The following DHRSX variants were observed in gnomAD, a reference collection of about 807,000 sequenced individuals.
DHRSX encodes the protein dehydrogenase/reductase X-linked.
DHRSX carries 31 observed loss-of-function variants against 34.0 expected under a neutral mutation model. That is an observed-to-expected ratio of 0.91 (90% CI 0.69 to 1.23). The LOEUF (loss-of-function observed/expected upper bound fraction) is 1.23. Ranked by LOEUF, DHRSX falls within the 50% of genes most tolerant of loss-of-function variation. The probability of loss-of-function intolerance (pLI) is 0.00; values close to 1 mark genes in which losing one functional copy is unlikely to be tolerated. For missense variants in DHRSX, 414 were observed against 428.1 expected (o/e 0.97, Z 0.29); for synonymous variants, 201 against 183.8 (o/e 1.09, Z -0.76).
At chrX:2,485,404 G>C (rs751847812) in intron 1 of DHRSX, among the ~76,000 whole-genome samples, 117 of 151,308 alleles carry the variant, frequency 7.7e-4, no homozygotes, top group African/African-American at 2.8e-3. Flanking sequence ...ACTTGGAAAG[G>C]GCAAGTCTGG....
Position 2,489,858 on chromosome X carries a change from T to A in DHRSX, c.109+10959A>T, listed in dbSNP as rs763431946. 3 of 1,613,752 alleles carry A rather than the reference T, an allele frequency of 1.9e-6. No homozygotes were observed. In the East Asian group the frequency reaches 6.7e-5, roughly 36 times the overall value. ...TTGAAGGTGTGGCCCAGGCAGGGCA[T>A]GTGCACTGCGACGTCCAGCAGGGAG... On this transcript the variant is annotated intron_variant, in intron 1 of 6. Transcript: ENST00000334651.
At chrX:2,243,793 T>TTTTTTTGTTTG (rs2016205921) in intron 5 of DHRSX, among the ~76,000 whole-genome samples, 1 of 33,568 alleles carries the variant, frequency 3.0e-5, no homozygotes, top group African/African-American at 2.1e-4. Flanking sequence ...TCCCTGTTTT[T>TTTTTTTGTTTG]TTTTTTTTTT....
intron 1 of DHRSX, chrX:2,490,661 C>T (rs2045112743): frequency 1.2e-6 from 2 of 1,613,752 alleles, no homozygotes; most frequent in Admixed American, 1.7e-5. Flanking sequence ...GCTCTTGGCG[C>T]GGGGGTGGGC....
intron 3 of DHRSX, among the ~76,000 whole-genome samples, chrX:2,390,682 C>T (rs1183736098): frequency 6.6e-6 from 1 of 152,160 alleles, no homozygotes; most frequent in Non-Finnish European, 1.5e-5. Context: ...TACTTTCTGT[C>T]TCTAAAAATT....
chrX:2,307,484 G>A (rs189451111), intron 3 of DHRSX, among the ~76,000 whole-genome samples: 19 of 151,866 alleles, frequency 1.3e-4, no homozygotes, highest in Non-Finnish European at 2.2e-4. Context: ...AAACAAGGCC[G>A]GGGGGTGGGT....
intron 3 of DHRSX, among the ~76,000 whole-genome samples, chrX:2,295,281 T>C (rs1219414372): frequency 6.6e-6 from 1 of 152,118 alleles, no homozygotes; most frequent in Admixed American, 6.5e-5. Flanking sequence ...TGCAGGGACA[T>C]GGATGAAGCT....
chrX:2,227,435 C>T (rs1409127610), intron 6 of DHRSX, among the ~76,000 whole-genome samples: 5 of 140,122 alleles, frequency 3.6e-5, no homozygotes, highest in African/African-American at 1.3e-4. Flanking sequence ...GAAGGAGTGA[C>T]ACAGAGAGAG....
At chrX:2,288,446 G>A (rs1209849509) in intron 4 of DHRSX, among the ~76,000 whole-genome samples, 5 of 152,162 alleles carry the variant, frequency 3.3e-5, no homozygotes, top group African/African-American at 1.2e-4. Context: ...TGTTGTCCAC[G>A]TTGGTCTCGA....
At chrX:2,394,869 A>G (rs1001627786) in intron 3 of DHRSX, among the ~76,000 whole-genome samples, 1 of 142,412 alleles carries the variant, frequency 7.0e-6, no homozygotes, top group African/African-American at 2.6e-5. Flanking sequence ...CCGTCTCATG[A>G]AAAAAAAAAA....
chrX:2,429,154 C>T (rs2124654544), intron 1 of DHRSX, among the ~76,000 whole-genome samples: 1 of 152,200 alleles, frequency 6.6e-6, no homozygotes, highest in East Asian at 1.9e-4. Context: ...TTCCCGTGTT[C>T]CTGACCCAAG....
intron 1 of DHRSX, among the ~76,000 whole-genome samples, chrX:2,437,526 C>T (rs1173799721): frequency 1.3e-5 from 2 of 151,772 alleles, no homozygotes; most frequent in Admixed American, 6.6e-5. Context: ...ATTGCTTGAG[C>T]CTGGGAGAGC....
chrX:2,490,866 G>T, intron 1 of DHRSX: 1 of 1,167,164 alleles, frequency 8.6e-7, no homozygotes, highest in Non-Finnish European at 1.2e-6. Flanking sequence ...GGGCAGCTCC[G>T]CTTTCAACCA....
At chrX:2,475,282 C>T (rs1364646304) in intron 1 of DHRSX, among the ~76,000 whole-genome samples, 4 of 151,316 alleles carry the variant, frequency 2.6e-5, no homozygotes, top group Non-Finnish European at 5.9e-5. Flanking sequence ...TGAAGACGTT[C>T]CCTAAGCATG....
At position 2,224,014 on chromosome X, in the gene DHRSX, T is replaced by C. The variant is rs141201377; in HGVS notation, c.805-2785A>G. 1.3e-3 allele frequency among the ~76,000 whole-genome samples: 191 copies of C among 152,368 alleles called. No individual in the cohort carries two copies. The East Asian group carries it at 0.018, about 14-fold the overall frequency. On this transcript the variant is annotated intron_variant, in intron 6 of 6. Transcript: ENST00000334651. ...GACCATGGTTCCTGCTGCGCAGAAA[T>C]GAGCATTTACACCTCACGCTGGTGC... is the stretch of plus-strand genomic sequence containing the variant.
chrX:2,401,039 T>C (rs932588949), intron 3 of DHRSX, among the ~76,000 whole-genome samples: 21 of 151,282 alleles, frequency 1.4e-4, no homozygotes, highest in Non-Finnish European at 2.4e-4. Context: ...TGGAAGCACA[T>C]GAACCAAACA....
chrX:2,316,863 GC>G (rs2042246904), intron 3 of DHRSX, among the ~76,000 whole-genome samples: 2 of 152,212 alleles, frequency 1.3e-5, no homozygotes, highest in South Asian at 4.1e-4. Flanking sequence ...AGTGAGGCAA[GC>G]CTCCATTAGT....
intron 4 of DHRSX, among the ~76,000 whole-genome samples, chrX:2,276,546 C>G (rs1300755532): frequency 6.6e-6 from 1 of 152,250 alleles, no homozygotes; most frequent in East Asian, 1.9e-4. Flanking sequence ...ATACAATTAT[C>G]GTTCATTGGT....
chrX:2,269,342 CA>C lies in DHRSX; in HGVS notation c.389-2396del, dbSNP rs1311933749. On this transcript the variant is annotated intron_variant, in intron 4 of 6. Transcript: ENST00000334651. The stretch of plus-strand genomic sequence containing the variant: ...GTATACATGCATCTGCAAGTGCACA[CA>C]TTTTTTATATGTACATGTATTTGTA... 3.3e-5 allele frequency among the ~76,000 whole-genome samples: 5 copies of C among 152,196 alleles called. No individual in the cohort carries two copies. The East Asian group carries it at 7.7e-4, about 23-fold the overall frequency.
intron 1 of DHRSX, chrX:2,489,674 T>C (rs756459362): frequency 3.8e-5 from 62 of 1,612,378 alleles, no homozygotes; most frequent in Non-Finnish European, 4.5e-5. Flanking sequence ...GGAGACGCGG[T>C]TGCTCACCAG....
Sources: allele counts gnomAD v4.1 joint callset (sites outside exome capture counted in the v4.1 genomes callset), GRCh38; gene constraint gnomAD v4.1.1; transcripts MANE v1.5; gene names NCBI Gene and HGNC (gene_info 2026-07-23, HGNC 2026-07-21).